Variants in ITGA6 observed in about 807,000 individuals in gnomAD.
The protein encoded by ITGA6 is integrin subunit alpha 6.
A neutral mutation model predicts 133.6 loss-of-function variants in ITGA6; 63 were observed. That is an observed-to-expected ratio of 0.47 (90% CI 0.38 to 0.58). ITGA6 has a LOEUF of 0.58. ITGA6 is among the 20% of genes least tolerant of loss of function. ITGA6 has a pLI of 0.00. For missense variants in ITGA6, 1,068 were observed against 1,309.4 expected, an observed-to-expected ratio of 0.82 and a Z score of 2.85; for synonymous variants, 434 against 482.0, an observed-to-expected ratio of 0.90 and a Z score of 1.30.
intron 24 of ITGA6, among the ~76,000 whole-genome samples, chr2:172,499,197 GA>G (rs1160194579): frequency 6.6e-6 from 1 of 152,010 alleles, no homozygotes; most frequent in Admixed American, 6.6e-5. Context: ...GCAAATTTGA[GA>G]TAATTTTCTG....
intron 23 of ITGA6, chr2:172,495,374 C>T (rs1687085725): frequency 6.6e-6 from 1 of 152,148 alleles, no homozygotes; most frequent in African/African-American, 2.4e-5. Context: ...TTTCTACTCA[C>T]CTGTTCATCA....
rs1559147121 is a variant in ITGA6 at position 172,485,097 on chromosome 2, TCTGA to T, written c.1711-20_1711-17del. On this transcript the variant is annotated intron_variant, in intron 12 of 25. Coordinates refer to ENST00000684293, the MANE Select transcript of ITGA6 (RefSeq NM_000210.4). The stretch of plus-strand genomic sequence containing the variant: ...CAATAGCATGTACACCCCACTTAAC[TCTGA>T]CTGCATGCTTTTCATGCAGGATAAT... The T allele has an allele frequency of 1.9e-6, 3 of 1,613,392 alleles. No individual in the cohort carries two copies. The South Asian group carries it at 3.3e-5, about 18-fold the overall frequency.
chr2:172,436,171 G>T (rs1004491601), intron 1 of ITGA6, among the ~76,000 whole-genome samples: 8 of 152,296 alleles, frequency 5.3e-5, no homozygotes, highest in African/African-American at 1.4e-4. Context: ...AGAGAGATGG[G>T]TCTGGGCACT....
chr2:172,504,340 C>A lies in ITGA6; in HGVS notation c.*272C>A, dbSNP rs1361604688. ...ATTTGGATTTAAAAGCCTGCTCAAT[C>A]CCTGAGGACTGATTTCAGAGTGACT... is the stretch of plus-strand genomic sequence containing the variant. On this transcript the variant is annotated 3_prime_UTR_variant, in exon 26 of 26. Coordinates refer to ENST00000684293, the MANE Select transcript of ITGA6 (RefSeq NM_000210.4). The A allele has an allele frequency of 2.0e-5, 20 of 983,792 alleles. No homozygotes were observed. Among genetic ancestry groups the A allele is most frequent in the Non-Finnish European group, 2.7e-5 (18 of 669,838 alleles). 60.9% of individuals were successfully genotyped at this position (983,792 alleles called of 1,614,324 possible).
At chr2:172,490,889 C>A (rs1686893210) in intron 20 of ITGA6, 135 bp from the exon 21 acceptor site, 3 of 688,440 alleles carry the variant, frequency 4.4e-6, no homozygotes. Context: ...TACTTCTGTG[C>A]CTTTGGCAGG....
At chr2:172,435,678 G>C (rs1191590433) in intron 1 of ITGA6, among the ~76,000 whole-genome samples, 4 of 141,638 alleles carry the variant, frequency 2.8e-5, no homozygotes, top group Admixed American at 7.4e-5. Flanking sequence ...CCAAGCTGGA[G>C]TGTAGCGATG....
chr2:172,433,497 A>G (rs28464102), intron 1 of ITGA6, among the ~76,000 whole-genome samples: 40,402 of 152,072 alleles, frequency 0.27, 5,933 homozygotes, highest in East Asian at 0.58. Context: ...TAACCTTCCT[A>G]GGCCTTCCTG....
At chr2:172,484,977 A>C (rs745449855) in intron 12 of ITGA6, 35 bp downstream of exon 12, 1 of 1,610,328 alleles carries the variant, frequency 6.2e-7, no homozygotes, top group African/African-American at 1.3e-5. Context: ...TGTTTTATGA[A>C]GAGGACAGAA....
intron 24 of ITGA6, 56 bp from the exon 25 acceptor site, chr2:172,501,716 G>C (rs1278000936): frequency 8.9e-6 from 14 of 1,578,574 alleles, no homozygotes; most frequent in Admixed American, 1.7e-5. Context: ...ATGTTCTGTT[G>C]TTTGGCTCTT....
Position 172,498,296 on chromosome 2 carries a change from G to A in ITGA6, c.3114+196G>A, listed in dbSNP as rs527341882. On this transcript the variant is annotated intron_variant, in intron 24 of 25. Coordinates refer to ENST00000684293, the MANE Select transcript of ITGA6 (RefSeq NM_000210.4). ...ATTTACCGAATATTTTGTATTTAAA[G>A]TATATTATTTGTACACAATAAGTTT... Among the ~76,000 whole-genome samples the A allele has an allele frequency of 3.9e-5, 6 of 152,272 alleles. No individual in the cohort carries two copies. The East Asian group carries it at 1.2e-3, about 29-fold the overall frequency.
At position 172,433,628 on chromosome 2, in the gene ITGA6, G is replaced by A. The variant is rs561915520; in HGVS notation, c.182+5658G>A. 5.9e-5 allele frequency among the ~76,000 whole-genome samples: 9 copies of A among 152,342 alleles called. No homozygotes were observed. The East Asian group carries it at 1.4e-3, about 23-fold the overall frequency. On this transcript the variant is annotated intron_variant, in intron 1 of 25. Coordinates refer to ENST00000684293, the MANE Select transcript of ITGA6 (RefSeq NM_000210.4). Reference sequence around the variant, plus strand: ...GTAAGAGGTGCAGTGGTGGCGGCATGTCTAGCAAACTTGGTCTTCAATCTG... The same window carrying A: ...GTAAGAGGTGCAGTGGTGGCGGCATATCTAGCAAACTTGGTCTTCAATCTG...
chr2:172,483,560 C>T (rs1686539717), intron 11 of ITGA6, among the ~76,000 whole-genome samples: 2 of 152,070 alleles, frequency 1.3e-5, no homozygotes, highest in African/African-American at 2.4e-5. Flanking sequence ...TAAGTATTGG[C>T]CCATGAAAAA....
chr2:172,474,393 C>A, intron 6 of ITGA6, 128 bp downstream of exon 6: 1 of 794,214 alleles, frequency 1.3e-6, no homozygotes, highest in Non-Finnish European at 2.2e-6. Flanking sequence ...GCATTTTTAC[C>A]AGCCTATCTT....
chr2:172,485,472 CG>C (rs1213088753), intron 13 of ITGA6, among the ~76,000 whole-genome samples: 1 of 152,138 alleles, frequency 6.6e-6, no homozygotes, highest in Non-Finnish European at 1.5e-5. Flanking sequence ...GGGGCCAGAG[CG>C]TATTTTCCTT....
In ITGA6 at chr2:172,501,852, TAA is replaced by T. The variant is rs1687359147; in HGVS notation, c.3197_3198del (p.Lys1066ArgfsTer6). On this transcript the variant is annotated frameshift_variant, in exon 25 of 26. Coordinates refer to ENST00000684293, the MANE Select transcript of ITGA6 (RefSeq NM_000210.4). LOFTEE classifies it high-confidence loss of function. ...CTGAGATCCATGCTCAGCCATCTGATAAAGAGAGGCTTACTTCTGATGCATAG... is the reference window on the plus strand; with the variant it reads ...CTGAGATCCATGCTCAGCCATCTGATAGAGAGGCTTACTTCTGATGCATAG... The part of the protein sequence containing the change: ...KAEIHAQPSD[K>X]ERLTSDA The T allele has an allele frequency of 3.1e-6, 5 of 1,612,198 alleles. No individual in the cohort carries two copies. The highest frequency in any genetic ancestry group is 4.2e-6 in the Non-Finnish European group (5 of 1,178,950).
At chr2:172,488,304 T>A in intron 19 of ITGA6, 76 bp downstream of exon 19, 1 of 944,038 alleles carries the variant, frequency 1.1e-6, no homozygotes, top group Non-Finnish European at 1.7e-6. Context: ...TATGTCATTT[T>A]AATAAATCAG....
intron 1 of ITGA6, 69 bp downstream of exon 1, chr2:172,428,039 C>T (rs1399913737): frequency 6.6e-6 from 10 of 1,515,320 alleles, no homozygotes; most frequent in Non-Finnish European, 8.9e-6. Flanking sequence ...CGAGGGCGCG[C>T]CCTGTTCCCG....
Position 172,506,142 on chromosome 2 carries a change from A to G in ITGA6, c.*2074A>G, listed in dbSNP as rs1687551599. On this transcript the variant is annotated 3_prime_UTR_variant, in exon 26 of 26. Coordinates refer to ENST00000684293, the MANE Select transcript of ITGA6 (RefSeq NM_000210.4). ...TTGTAAAATTATTTCATGATTAGAAATTACCTGTGGATATTTGTATAAAAG... is the reference window on the plus strand; with the variant it reads ...TTGTAAAATTATTTCATGATTAGAAGTTACCTGTGGATATTTGTATAAAAG... 6.5e-6 allele frequency: 1 copy of G among 152,762 alleles called. No homozygotes were observed. The highest frequency in any genetic ancestry group is 1.9e-4 in the East Asian group (1 of 5,190). The allele number at this position is 152,762 out of a possible 1,614,324, so 9.5% of individuals were successfully genotyped here.
At chr2:172,443,292 G>A (rs1304481250) in intron 1 of ITGA6, among the ~76,000 whole-genome samples, 1 of 152,102 alleles carries the variant, frequency 6.6e-6, no homozygotes, top group Non-Finnish European at 1.5e-5. Context: ...ATAATACTCA[G>A]TTTCGAGGAT....
Sources: gnomAD v4.1 joint callset for allele counts (sites outside exome capture counted in the v4.1 genomes callset) on GRCh38, gnomAD v4.1.1 for gene constraint, MANE v1.5 for transcripts, NCBI Gene and HGNC (gene_info 2026-07-23, HGNC 2026-07-21) for gene names.